The following CNOT2 variants were observed in gnomAD, a reference collection of about 807,000 sequenced individuals.
The protein encoded by CNOT2 is CC chemokine receptor 4-negative regulator of transcription 2.
CNOT2 carries 7 observed loss-of-function variants against 72.1 expected under a neutral mutation model. That is an observed-to-expected ratio of 0.10 (90% CI 0.06 to 0.18). The LOEUF (loss-of-function observed/expected upper bound fraction) is 0.18. Ranked by LOEUF, CNOT2 falls within the 10% of genes least tolerant of loss-of-function variation. The probability of loss-of-function intolerance (pLI) is 1.00; values close to 1 mark genes in which losing one functional copy is unlikely to be tolerated. For missense variants in CNOT2, 345 were observed against 660.3 expected (o/e 0.52, Z 5.23); for synonymous variants, 196 against 225.6 (o/e 0.87, Z 1.17).
chr12:70,347,017 T>G (rs1882263495), intron 15 of CNOT2, among the ~76,000 whole-genome samples: 1 of 152,034 alleles, frequency 6.6e-6, no homozygotes, highest in Non-Finnish European at 1.5e-5. Context: ...AGAGAATATA[T>G]TCTCTCCACT....
Position 70,313,374 on chromosome 12 carries a change from AATTAAATGTG to A in CNOT2, c.171+2360_171+2369del, listed in dbSNP as rs560230746. On this transcript the variant is annotated intron_variant, in intron 3 of 15. Coordinates refer to ENST00000229195, the MANE Select transcript of CNOT2 (RefSeq NM_014515.7). Reference sequence around the variant, plus strand: ...GTAGTATACGTATATTTGTCATTTTAATTAAATGTGATCCATCAGTCTTATTTTTAAATGG... The same window carrying A: ...GTAGTATACGTATATTTGTCATTTTAATCCATCAGTCTTATTTTTAAATGG... Among the ~76,000 whole-genome samples the A allele has an allele frequency of 9.0e-4, 137 of 152,142 alleles. 1 individual carries two copies. In the South Asian group the frequency reaches 0.028, roughly 31 times the overall value.
At chr12:70,350,217 C>T (rs1193113668) in intron 15 of CNOT2, among the ~76,000 whole-genome samples, 2 of 152,018 alleles carry the variant, frequency 1.3e-5, no homozygotes, top group Admixed American at 6.6e-5. Flanking sequence ...GTGATAGAGG[C>T]TGCCTTATTA....
chr12:70,330,738 G>C (rs1879806950), intron 6 of CNOT2: 1 of 336,338 alleles, frequency 3.0e-6, no homozygotes, highest in Non-Finnish European at 5.4e-6. Flanking sequence ...AATTTTGGTT[G>C]ATATGTCCTC....
intron 3 of CNOT2, among the ~76,000 whole-genome samples, chr12:70,316,973 C>T (rs1487410458): frequency 6.6e-6 from 1 of 152,160 alleles, no homozygotes; most frequent in Non-Finnish European, 1.5e-5. Context: ...TTTTGTTTGA[C>T]AATATTCACA....
At chr12:70,348,111 C>A (rs1882427187) in intron 15 of CNOT2, 1 of 152,152 alleles carries the variant, frequency 6.6e-6, no homozygotes, top group Admixed American at 6.5e-5. Flanking sequence ...TATACACACA[C>A]ACATGCTGAT....
chr12:70,337,724 C>T (rs572641166), intron 9 of CNOT2: 1 of 586,088 alleles, frequency 1.7e-6, no homozygotes, highest in East Asian at 3.8e-5. Flanking sequence ...TTCTGTTGAA[C>T]TTCTCAGAGT....
intron 1 of CNOT2, chr12:70,243,783 C>T (rs1403326171): frequency 3.3e-5 from 5 of 152,430 alleles, no homozygotes; most frequent in African/African-American, 1.2e-4. Flanking sequence ...AGCAGCAGCT[C>T]CAGATCCTAG....
chr12:70,256,404 G>A (rs945698084), intron 1 of CNOT2, among the ~76,000 whole-genome samples: 3 of 151,968 alleles, frequency 2.0e-5, no homozygotes, highest in Non-Finnish European at 4.4e-5. Flanking sequence ...GTTTTAAAGG[G>A]AAGATTCTTT....
intron 2 of CNOT2, among the ~76,000 whole-genome samples, chr12:70,297,410 C>T (rs946474784): frequency 6.6e-6 from 1 of 152,120 alleles, no homozygotes; most frequent in African/African-American, 2.4e-5. Flanking sequence ...TTGATTTTAT[C>T]GTGTGACACC....
chr12:70,299,992 T>C (rs1263013546), intron 2 of CNOT2, among the ~76,000 whole-genome samples: 1 of 152,238 alleles, frequency 6.6e-6, no homozygotes, highest in African/African-American at 2.4e-5. Context: ...GAGCATTTTT[T>C]CATGTGTTTT....
intron 1 of CNOT2, among the ~76,000 whole-genome samples, chr12:70,275,691 T>A (rs1384967910): frequency 1.3e-5 from 2 of 152,122 alleles, no homozygotes; most frequent in African/African-American, 4.8e-5. Flanking sequence ...AATTCTTGAA[T>A]ATAGGACTTG....
intron 2 of CNOT2, among the ~76,000 whole-genome samples, chr12:70,309,814 G>C (rs755651775): frequency 2.0e-5 from 3 of 152,006 alleles, no homozygotes; most frequent in Non-Finnish European, 4.4e-5. Context: ...TCAGTTAATA[G>C]TTTTGATAAT....
rs1278236769 is a variant in CNOT2, at chr12:70,338,505, A to G, written c.963A>G (p.Lys321=). ...STDGPKFPGD[K]SSTTQNNNQQ... ...ATGGACCCAAATTCCCTGGAGATAA[A>G]AGTTCAACAACACAAAATAATAACC... The change falls in exon 10 of 16, where the codon AAA becomes AAG. Residue 321 remains lysine, a synonymous_variant. Coordinates refer to ENST00000229195, the MANE Select transcript of CNOT2 (RefSeq NM_014515.7). 1 of 1,613,420 alleles carries G rather than the reference A, an allele frequency of 6.2e-7. No homozygotes were observed.
Position 70,346,241 on chromosome 12 carries a change from A to G in CNOT2, c.1453A>G (p.Met485Val), listed in dbSNP as rs1593288772. 2 of 1,605,838 alleles carry G rather than the reference A, an allele frequency of 1.2e-6. No homozygotes were observed. The highest frequency in any genetic ancestry group is 1.3e-5 in the African/African-American group (1 of 74,888). Residue 485 changes from methionine to valine, a missense_variant, in exon 15 of 16, where the codon ATG (methionine) becomes GTG (valine). Met to Val is a conservative substitution (Grantham distance 21). Coordinates refer to ENST00000229195, the MANE Select transcript of CNOT2 (RefSeq NM_014515.7). ...AGTATGGATTACCAGGGCACCAGGCATGGAGCCAACAATGAAAACCAATAC... is the reference window on the plus strand; with the variant it reads ...AGTATGGATTACCAGGGCACCAGGCGTGGAGCCAACAATGAAAACCAATAC... The part of the protein sequence containing the change: ...ERVWITRAPG[M>V]EPTMKTNTYE...
At chr12:70,253,364 A>G (rs1958245710) in intron 1 of CNOT2, among the ~76,000 whole-genome samples, 1 of 152,196 alleles carries the variant, frequency 6.6e-6, no homozygotes, top group Admixed American at 6.5e-5. Flanking sequence ...AACTCCTGAC[A>G]AGTAGGTATT....
intron 2 of CNOT2, among the ~76,000 whole-genome samples, chr12:70,288,136 C>CTTTTTT (rs68143994): frequency 1.8e-4 from 16 of 86,702 alleles, no homozygotes; most frequent in East Asian, 4.3e-4. Context: ...TGGTGTAGCT[C>CTTTTTT]TTTTTTTTTT....
At position 70,315,788 on chromosome 12, in the gene CNOT2, CTA is replaced by C. The variant is rs1877228572; in HGVS notation, c.172-3508_172-3507del. Reference sequence around the variant, plus strand: ...GCTGTAACTTGTTGTTTTCAGCATTCTATTAATCTTTTTCTACCGTTTGCCAC... The same window carrying C: ...GCTGTAACTTGTTGTTTTCAGCATTCTTAATCTTTTTCTACCGTTTGCCAC... On this transcript the variant is annotated intron_variant, in intron 3 of 15. Coordinates refer to ENST00000229195, the MANE Select transcript of CNOT2 (RefSeq NM_014515.7). Among the ~76,000 whole-genome samples, 3 of 152,192 alleles carry C rather than the reference CTA, an allele frequency of 2.0e-5. No homozygotes were observed. The South Asian group carries it at 6.2e-4, about 32-fold the overall frequency.
At chr12:70,292,145 A>C (rs1872024947) in intron 2 of CNOT2, among the ~76,000 whole-genome samples, 1 of 152,316 alleles carries the variant, frequency 6.6e-6, no homozygotes, top group East Asian at 1.9e-4. Flanking sequence ...GTAATAAGAC[A>C]TATTAACATC....
intron 4 of CNOT2, chr12:70,327,406 C>T (rs1167051061): frequency 2.0e-5 from 3 of 151,834 alleles, no homozygotes; most frequent in Non-Finnish European, 4.4e-5. Flanking sequence ...AGGTGCTAAT[C>T]GAGAGTTCTG....
Sources: allele counts gnomAD v4.1 joint callset (sites outside exome capture counted in the v4.1 genomes callset), GRCh38; gene constraint gnomAD v4.1.1; transcripts MANE v1.5; gene names NCBI Gene and HGNC (gene_info 2026-07-23, HGNC 2026-07-21).